The following PTPN23 variants were observed in gnomAD, a reference collection of about 807,000 sequenced individuals.
The protein encoded by PTPN23 is tyrosine-protein phosphatase non-receptor type 23.
A neutral mutation model predicts 156.3 loss-of-function variants in PTPN23; 72 were observed. That is an observed-to-expected ratio of 0.46 (90% CI 0.38 to 0.56). The LOEUF (loss-of-function observed/expected upper bound fraction) is 0.56, where lower values mean the gene tolerates loss of function less well. PTPN23 is among the 20% of genes least tolerant of loss of function. The pLI is 0.00. For missense variants in PTPN23, 1,974 were observed against 2,171.5 expected (o/e 0.91, Z 1.81); for synonymous variants, 957 against 899.6 (o/e 1.06, Z -1.14).
intron 24 of PTPN23, 27 bp downstream of exon 24, chr3:47,412,654 G>A (rs760928701): frequency 6.2e-7 from 1 of 1,607,500 alleles, no homozygotes; most frequent in Non-Finnish European, 8.5e-7. Context: ...GGAAGCTGCT[G>A]GGAGAGCCAC....
Position 47,405,167 on chromosome 3 carries a change from G to C in PTPN23, c.364+86G>C. ...CTCTTCAGATGGCCACAAAGGCAGT[G>C]GGCTGATAAAGGGAGGACTCCAGGA... is the stretch of plus-strand genomic sequence containing the variant. On this transcript the variant is annotated intron_variant, in intron 4 of 24. Coordinates refer to ENST00000265562, the MANE Select transcript of PTPN23 (RefSeq NM_015466.4). This position sits in a 1 kb window ranked among gnomAD's most constrained non-coding sequence, Gnocchi z 4.7. The C allele has an allele frequency of 7.7e-7, 1 of 1,301,260 alleles. No individual in the cohort carries two copies. Among genetic ancestry groups the C allele is most frequent in the Non-Finnish European group, 1.1e-6 (1 of 899,946 alleles). The allele number at this position is 1,301,260 out of a possible 1,614,324, so 80.6% of individuals were successfully genotyped here.
At position 47,406,183 on chromosome 3, in the gene PTPN23, C is replaced by G. The variant is rs13077134; in HGVS notation, c.546+137C>G. Reference sequence around the variant, plus strand: ...CTTGGCTTTGTTGAATCAGGAGCACCGTGGTGCTGCTTGGAGTGGGGGCAG... The same window carrying G: ...CTTGGCTTTGTTGAATCAGGAGCACGGTGGTGCTGCTTGGAGTGGGGGCAG... On this transcript the variant is annotated intron_variant, in intron 6 of 24. Coordinates refer to ENST00000265562, the MANE Select transcript of PTPN23 (RefSeq NM_015466.4). The surrounding 1 kb of genome is among the most constrained non-coding windows in gnomAD (Gnocchi z 5.8). 0.99 allele frequency: 1,460,969 copies of G among 1,473,718 alleles called. 724,915 individuals carry two copies. The highest frequency in any genetic ancestry group is 1 in the East Asian group (40,910 of 40,914). The allele number at this position is 1,473,718 out of a possible 1,614,324, so 91.3% of individuals were successfully genotyped here.
Position 47,408,583 on chromosome 3 carries a change from G to A in PTPN23, c.1330+93G>A, listed in dbSNP as rs1559526483. The A allele has an allele frequency of 4.6e-6, 7 of 1,520,610 alleles. No homozygotes were observed. In the African/African-American group the frequency reaches 5.5e-5, roughly 12 times the overall value. The allele number at this position is 1,520,610 out of a possible 1,614,324, so 94.2% of individuals were successfully genotyped here. Reference sequence around the variant, plus strand: ...TCCCTGGTCACTGAGGATGGAGGCTGCACCCCTCTAGGCCCTGGCTTGGGC... The same window carrying A: ...TCCCTGGTCACTGAGGATGGAGGCTACACCCCTCTAGGCCCTGGCTTGGGC... On this transcript the variant is annotated intron_variant, in intron 15 of 24. Transcript: ENST00000265562.
chr3:47,405,391 C>T lies in PTPN23; in HGVS notation c.364+310C>T. On this transcript the variant is annotated intron_variant, in intron 4 of 24. Transcript: ENST00000265562. The surrounding 1 kb of genome is among the most constrained non-coding windows in gnomAD (Gnocchi z 4.7). Reference sequence around the variant, plus strand: ...CCCTCCCCACTGTGGTTTTGGGCTGCTTCAGGCAGGAGGAGAGTGTGGCTG... The same window carrying T: ...CCCTCCCCACTGTGGTTTTGGGCTGTTTCAGGCAGGAGGAGAGTGTGGCTG... The T allele has an allele frequency of 1.5e-5, 8 of 534,274 alleles. No homozygotes were observed. The South Asian group carries it at 1.7e-4, about 12-fold the overall frequency. 33.1% of individuals were successfully genotyped at this position (534,274 alleles called of 1,614,324 possible).
At chr3:47,404,913 C>T (rs1365612329) in intron 3 of PTPN23, 92 bp from the exon 4 acceptor site, 3 of 1,586,088 alleles carry the variant, frequency 1.9e-6, no homozygotes, top group Non-Finnish European at 8.6e-7. Context: ...GGCCTCCCCA[C>T]ATCCCCACAA....
At chr3:47,408,082 T>C in intron 14 of PTPN23, 127 bp downstream of exon 14, 1 of 1,223,452 alleles carries the variant, frequency 8.2e-7, no homozygotes, top group Non-Finnish European at 1.2e-6. Flanking sequence ...CAATGCTGCC[T>C]TCCCGCCTGG....
In PTPN23 at chr3:47,405,039, G is replaced by A; in HGVS notation, c.322G>A (p.Glu108Lys). 6.2e-7 allele frequency: 1 copy of A among 1,614,246 alleles called. No individual in the cohort carries two copies. The highest frequency in any genetic ancestry group is 8.5e-7 in the Non-Finnish European group (1 of 1,180,050). The change falls in exon 4 of 25, where the codon GAG becomes AAG. Residue 108 changes from glutamate (E) to lysine (K), a missense_variant. Physicochemically the swap from Glu to Lys is moderately conservative, Grantham distance 56. Transcript: ENST00000265562. The surrounding 1 kb of genome is among the most constrained non-coding windows in gnomAD (Gnocchi z 4.7). ...CTTCTCAGGCAAGTCTGTGGCCCAT[G>A]AGGACATCAAGTACGAGCAGGCCTG... ...EIFSGKSVAH[E>K]DIKYEQACIL... is the part of the protein sequence containing the mutation.
In PTPN23 at chr3:47,381,200, T is replaced by A. The variant is rs768207068; in HGVS notation, c.84+20T>A. 1.9e-5 allele frequency: 30 copies of A among 1,563,598 alleles called. No individual in the cohort carries two copies. In the African/African-American group the frequency reaches 3.8e-4, roughly 20 times the overall value. ...AAGAAGGTGAGCTTGCCTTCCATCTTCCCCCCTATCCGCCGCGTATCTCCG... is the reference window on the plus strand; with the variant it reads ...AAGAAGGTGAGCTTGCCTTCCATCTACCCCCCTATCCGCCGCGTATCTCCG... On this transcript the variant is annotated intron_variant, in intron 1 of 24. Transcript: ENST00000265562.
chr3:47,410,530 C>T lies in PTPN23; in HGVS notation c.2732C>T (p.Pro911Leu). Reference protein sequence around the residue: ...PTPAPPPPCFPVPPPQPLPTP... With the variant: ...PTPAPPPPCFLVPPPQPLPTP... ...CCTGCTCCTCCCCCGCCCTGCTTCCCTGTGCCCCCACCGCAGCCACTGCCC... is the reference window on the plus strand; with the variant it reads ...CCTGCTCCTCCCCCGCCCTGCTTCCTTGTGCCCCCACCGCAGCCACTGCCC... The change falls in exon 20 of 25, where the codon CCT (proline) becomes CTT (leucine). Residue 911 changes from proline to leucine, a missense_variant. Around this residue, in one of 4 missense-constraint regions of PTPN23, gnomAD observed 731 missense variants for 669.1 expected, o/e 1.09. Coordinates refer to ENST00000265562, the MANE Select transcript of PTPN23 (RefSeq NM_015466.4). 1 of 1,611,156 alleles carries T rather than the reference C, an allele frequency of 6.2e-7. No homozygotes were observed. The highest frequency in any genetic ancestry group is 8.5e-7 in the Non-Finnish European group (1 of 1,178,984).
At chr3:47,398,800 A>G (rs978593205) in intron 2 of PTPN23, among the ~76,000 whole-genome samples, 3 of 152,192 alleles carry the variant, frequency 2.0e-5, no homozygotes, top group African/African-American at 7.2e-5. Context: ...CCTGGGCTCA[A>G]GTGATCTTCT....
At position 47,411,148 on chromosome 3, in the gene PTPN23, C is replaced by CT; in HGVS notation, c.3350_3351insT (p.Asp1118ArgfsTer33). The CT allele has an allele frequency of 6.2e-7, 1 of 1,601,658 alleles. No individual in the cohort carries two copies. Among genetic ancestry groups the CT allele is most frequent in the Non-Finnish European group, 8.5e-7 (1 of 1,175,710 alleles). On this transcript the variant is annotated frameshift_variant, in exon 20 of 25. Transcript: ENST00000265562. LOFTEE classifies it high-confidence loss of function. This position sits in a 1 kb window ranked among gnomAD's most constrained non-coding sequence, Gnocchi z 6.3. ...TGCCTGCGCCGAGGCGCCGCAGCTG[C>CT]AGACCTGCTCTCCTCCAGCCCGGAG...
Position 47,405,197 on chromosome 3 carries a change from C to T in PTPN23, c.364+116C>T, listed in dbSNP as rs556181128. 1.4e-5 allele frequency: 13 copies of T among 928,744 alleles called. No individual in the cohort carries two copies. Among genetic ancestry groups the T allele is most frequent in the Middle Eastern group, 3.2e-4 (1 of 3,144 alleles). 57.5% of individuals were successfully genotyped at this position (928,744 alleles called of 1,614,324 possible). A position where few individuals can be genotyped will look rare whatever the true frequency, so the allele number is the denominator to read the frequency against. ...GATAAAGGGAGGACTCCAGGATTCC[C>T]GCCCCTCCACTGACCTCCCCACAGC... On this transcript the variant is annotated intron_variant, in intron 4 of 24. Coordinates refer to ENST00000265562, the MANE Select transcript of PTPN23 (RefSeq NM_015466.4). The surrounding 1 kb of genome is among the most constrained non-coding windows in gnomAD (Gnocchi z 4.7).
At chr3:47,389,062 G>A (rs1704714504) in intron 1 of PTPN23, among the ~76,000 whole-genome samples, 1 of 151,948 alleles carries the variant, frequency 6.6e-6, no homozygotes, top group South Asian at 2.1e-4. Context: ...ACCCTTCCCA[G>A]CCTCTGGTAT....
intron 21 of PTPN23, 51 bp downstream of exon 21, chr3:47,412,018 C>T (rs1028603842): frequency 6.2e-7 from 1 of 1,606,906 alleles, no homozygotes; most frequent in East Asian, 2.2e-5. Flanking sequence ...CTGTCCAGTC[C>T]TTGGTGCTGG....
intron 1 of PTPN23, among the ~76,000 whole-genome samples, chr3:47,384,812 G>C (rs528582145): frequency 6.6e-6 from 1 of 151,868 alleles, no homozygotes; most frequent in Non-Finnish European, 1.5e-5. Context: ...GCCCAGGCTG[G>C]AGTGCAATGG....
In PTPN23 at chr3:47,409,195, A is replaced by G. The variant is rs776880564; in HGVS notation, c.1675A>G (p.Ile559Val). ...GGCCGTGCTGCAAAACCTAAAGCGCATCCTGGCTAAGGTGCAGGAGATGCG... is the reference window on the plus strand; with the variant it reads ...GGCCGTGCTGCAAAACCTAAAGCGCGTCCTGGCTAAGGTGCAGGAGATGCG... Reference protein sequence around the residue: ...DKAVLQNLKRILAKVQEMRDQ... With the variant: ...DKAVLQNLKRVLAKVQEMRDQ... The change falls in exon 17 of 25, where the codon ATC becomes GTC. Residue 559 changes from isoleucine to valine, a missense_variant. Transcript: ENST00000265562. 1.2e-6 allele frequency: 2 copies of G among 1,614,176 alleles called. No individual in the cohort carries two copies. Among genetic ancestry groups the G allele is most frequent in the Admixed American group, 1.7e-5 (1 of 60,026 alleles).
rs893628234 is a variant in PTPN23 at position 47,409,446 on chromosome 3, T to C, written c.1827T>C (p.Tyr609=). 1 of 1,614,148 alleles carries C rather than the reference T, an allele frequency of 6.2e-7. No individual in the cohort carries two copies. The highest frequency in any genetic ancestry group is 2.2e-5 in the East Asian group (1 of 44,882). The change falls in exon 18 of 25, where the codon TAT becomes TAC. Residue 609 remains tyrosine, a synonymous_variant. Coordinates refer to ENST00000265562, the MANE Select transcript of PTPN23 (RefSeq NM_015466.4). Reference sequence around the variant, plus strand: ...TGTTCGAGGAGCAGCTGAAAAAGTATGACCAGCTGAAGGTGTACCTGGAGC... The same window carrying C: ...TGTTCGAGGAGCAGCTGAAAAAGTACGACCAGCTGAAGGTGTACCTGGAGC... ...KKLFEEQLKK[Y]DQLKVYLEQN...
At position 47,413,127 on chromosome 3, in the gene PTPN23, G is replaced by C. The variant is rs368990224; in HGVS notation, c.4853G>C (p.Arg1618Pro). ...AHNGQGLRAT[R>P]PSDDPLSLLD... ...AACGGGCAAGGGCTGCGGGCCACCC[G>C]GCCCTCTGACGACCCCCTCAGCCTT... The change falls in exon 25 of 25, where the codon CGG becomes CCG. Residue 1618 changes from arginine (R) to proline (P), a missense_variant. Arg to Pro is a moderately radical substitution (Grantham distance 103, BLOSUM62 -2). Around this residue, in one of 4 missense-constraint regions of PTPN23, gnomAD observed 484 missense variants for 516.0 expected, o/e 0.94. Transcript: ENST00000265562. The C allele has an allele frequency of 6.2e-7, 1 of 1,612,816 alleles. No individual in the cohort carries two copies. Among genetic ancestry groups the C allele is most frequent in the African/African-American group, 1.3e-5 (1 of 75,064 alleles).
At position 47,410,794 on chromosome 3, in the gene PTPN23, C is replaced by G; in HGVS notation, c.2996C>G (p.Pro999Arg). ...PGLLPPQSPY[P>R]YAPQPGVLGQ... The stretch of plus-strand genomic sequence containing the variant: ...CTCCTACCCCCACAATCCCCCTACC[C>G]CTATGCCCCTCAGCCTGGGGTCCTG... The change falls in exon 20 of 25, where the codon CCC (proline) becomes CGC (arginine). Residue 999 changes from proline (P) to arginine (R), a missense_variant. Coordinates refer to ENST00000265562, the MANE Select transcript of PTPN23 (RefSeq NM_015466.4). The G allele has an allele frequency of 6.3e-7, 1 of 1,588,568 alleles. No homozygotes were observed. Among genetic ancestry groups the G allele is most frequent in the Non-Finnish European group, 8.6e-7 (1 of 1,161,044 alleles).
Sources: gnomAD v4.1 joint callset for allele counts (sites outside exome capture counted in the v4.1 genomes callset) on GRCh38, gnomAD v4.1.1 for gene constraint, gnomAD v4.1.1 regional missense constraint, Gnocchi (gnomAD v3.1) non-coding constraint, MANE v1.5 for transcripts, NCBI Gene and HGNC (gene_info 2026-07-23, HGNC 2026-07-21) for gene names.